Variants in MACROD2 observed in about 807,000 individuals in gnomAD.
The protein encoded by MACROD2 is mono-ADP ribosylhydrolase 2.
In MACROD2, 36 loss-of-function variants were observed where a neutral mutation model predicts 70.4. The observed-to-expected ratio is 0.51, with a 90% CI of 0.39 to 0.68. The LOEUF is 0.68. Ranked by LOEUF, MACROD2 falls within the 30% of genes least tolerant of loss-of-function variation. The probability of loss-of-function intolerance (pLI) is 0.00; values close to 1 mark genes in which losing one functional copy is unlikely to be tolerated. For synonymous variants in MACROD2, 172 were observed against 178.8 expected (o/e 0.96, Z 0.30); for missense variants, 496 against 538.4 (o/e 0.92, Z 0.78).
intron 3 of MACROD2, among the ~76,000 whole-genome samples, chr20:14,124,738 G>T (rs2054626024): frequency 6.6e-6 from 1 of 152,082 alleles, no homozygotes; most frequent in African/African-American, 2.4e-5. Context: ...ACATTTTGGG[G>T]ATTCCTCAAA....
intron 6 of MACROD2, among the ~76,000 whole-genome samples, chr20:15,313,222 T>A (rs1382152568): frequency 6.6e-6 from 1 of 152,094 alleles, no homozygotes; most frequent in Non-Finnish European, 1.5e-5. Flanking sequence ...AAAAATGATA[T>A]GCGGCCGTGT....
At chr20:15,029,539 C>T (rs930906805) in intron 5 of MACROD2, among the ~76,000 whole-genome samples, 6 of 152,138 alleles carry the variant, frequency 3.9e-5, no homozygotes, top group African/African-American at 1.4e-4. Flanking sequence ...TTAGGGACCA[C>T]ACTTTGAGGA....
intron 13 of MACROD2, among the ~76,000 whole-genome samples, chr20:15,972,738 A>C (rs2066250318): frequency 6.6e-6 from 1 of 152,130 alleles, no homozygotes; most frequent in Admixed American, 6.5e-5. Context: ...TGAATCCAGG[A>C]GGCAGAGGTT....
intron 12 of MACROD2, among the ~76,000 whole-genome samples, chr20:15,959,697 CG>C (rs1028228228): frequency 6.6e-6 from 1 of 151,904 alleles, no homozygotes; most frequent in Non-Finnish European, 1.5e-5. Context: ...ACCTGGCTAA[CG>C]TTTTTTTATA....
At chr20:15,511,181 C>T (rs1195129573) in intron 8 of MACROD2, among the ~76,000 whole-genome samples, 5 of 152,206 alleles carry the variant, frequency 3.3e-5, no homozygotes, top group South Asian at 2.1e-4. Flanking sequence ...GAGCTATGCA[C>T]GCATATATCC....
intron 4 of MACROD2, among the ~76,000 whole-genome samples, chr20:14,520,473 T>C (rs1376520689): frequency 1.1e-5 from 1 of 91,726 alleles, no homozygotes; most frequent in Non-Finnish European, 2.4e-5. Context: ...TTTCACTGTT[T>C]GAGGTTTTTT....
intron 2 of MACROD2, among the ~76,000 whole-genome samples, chr20:14,058,675 C>T (rs2053658911): frequency 1.4e-5 from 2 of 138,774 alleles, no homozygotes; most frequent in African/African-American, 2.7e-5. Flanking sequence ...GACAGAGTCT[C>T]GCTCTGTCAC....
At chr20:14,487,306 C>T (rs1352826474) in intron 3 of MACROD2, among the ~76,000 whole-genome samples, 2 of 152,026 alleles carry the variant, frequency 1.3e-5, no homozygotes, top group Admixed American at 1.3e-4. Flanking sequence ...TGTACTGTGA[C>T]CAATATGGTC....
At chr20:15,192,618 C>A (rs1356746165) in intron 5 of MACROD2, among the ~76,000 whole-genome samples, 1 of 152,174 alleles carries the variant, frequency 6.6e-6, no homozygotes. Context: ...TATCACTTAG[C>A]CATAAACTAA....
In MACROD2 at chr20:15,499,747, A is replaced by G. The variant is rs754051679; in HGVS notation, c.572-27A>G. 21 of 1,611,514 alleles carry G rather than the reference A, an allele frequency of 1.3e-5. No individual in the cohort carries two copies. The Admixed American group carries it at 3.3e-4, about 26-fold the overall frequency. On this transcript the variant is annotated intron_variant, in intron 7 of 17. Transcript: ENST00000684519. ...CTTTTGCCTTCATCTTTCGTTGTTC[A>G]TTTGTTTTTTCCTGCTCTTCATCTA...
At chr20:16,023,897 C>A (rs1197757413) in intron 15 of MACROD2, among the ~76,000 whole-genome samples, 2 of 152,100 alleles carry the variant, frequency 1.3e-5, no homozygotes, top group African/African-American at 4.8e-5. Flanking sequence ...CTGGGCTGTC[C>A]TCTACAAGGG....
intron 2 of MACROD2, among the ~76,000 whole-genome samples, chr20:14,068,467 A>G (rs2053796635): frequency 6.6e-6 from 1 of 152,228 alleles, no homozygotes; most frequent in Non-Finnish European, 1.5e-5. Context: ...TAGTAGAATG[A>G]TGATAAAACA....
intron 6 of MACROD2, among the ~76,000 whole-genome samples, chr20:15,379,731 A>G (rs992538163): frequency 1.2e-4 from 19 of 152,168 alleles, no homozygotes; most frequent in African/African-American, 2.9e-4. Context: ...TTTATGTAAG[A>G]GAGTCCTAGC....
At chr20:14,383,747 T>A (rs1192754483) in intron 3 of MACROD2, among the ~76,000 whole-genome samples, 1 of 151,654 alleles carries the variant, frequency 6.6e-6, no homozygotes, top group Non-Finnish European at 1.5e-5. Flanking sequence ...TTCAGAAACT[T>A]TATTTATTAG....
intron 6 of MACROD2, among the ~76,000 whole-genome samples, chr20:15,423,708 A>C (rs376179553): frequency 1.3e-5 from 2 of 152,088 alleles, no homozygotes; most frequent in East Asian, 1.9e-4. Flanking sequence ...CTTATCCCCT[A>C]ATTACCTCCC....
intron 5 of MACROD2, among the ~76,000 whole-genome samples, chr20:15,150,085 C>T (rs1449419910): frequency 1.3e-5 from 2 of 152,174 alleles, no homozygotes; most frequent in East Asian, 1.9e-4. Context: ...CAGTTGGACA[C>T]TATCGGCAGG....
intron 3 of MACROD2, among the ~76,000 whole-genome samples, chr20:14,378,158 T>G (rs971475073): frequency 2.0e-5 from 3 of 152,204 alleles, no homozygotes; most frequent in Non-Finnish European, 4.4e-5. Context: ...GCGTGGGACC[T>G]GAGAATTTGC....
At chr20:14,429,545 T>A (rs1208100357) in intron 3 of MACROD2, among the ~76,000 whole-genome samples, 4 of 152,056 alleles carry the variant, frequency 2.6e-5, no homozygotes, top group Non-Finnish European at 5.9e-5. Context: ...GTGTTGGAAG[T>A]TAGTATAGAT....
chr20:15,406,999 G>C (rs2046011445), intron 6 of MACROD2, among the ~76,000 whole-genome samples: 1 of 152,166 alleles, frequency 6.6e-6, no homozygotes, highest in Non-Finnish European at 1.5e-5. Flanking sequence ...CCTACGCAGT[G>C]ATCAACATAG....
Sources: gnomAD v4.1 joint callset for allele counts (sites outside exome capture counted in the v4.1 genomes callset) on GRCh38, gnomAD v4.1.1 for gene constraint, MANE v1.5 for transcripts, NCBI Gene and HGNC (gene_info 2026-07-23, HGNC 2026-07-21) for gene names.